The following CNTN5 variants were observed in gnomAD, a reference collection of about 807,000 sequenced individuals.
The protein encoded by CNTN5 is contactin-5.
A neutral mutation model predicts 129.1 loss-of-function variants in CNTN5; 77 were observed. The observed-to-expected ratio is 0.60, with a 90% CI of 0.50 to 0.72. The LOEUF (loss-of-function observed/expected upper bound fraction) is 0.72. Among genes scored for constraint, CNTN5 ranks in the 30% least tolerant of loss-of-function variants. The pLI, the probability that CNTN5 is intolerant of heterozygous loss-of-function variation, is 0.00. For synonymous variants in CNTN5, 509 were observed against 465.6 expected (o/e 1.09, Z -1.20); for missense variants, 1,478 against 1,328.8 (o/e 1.11, Z -1.75).
intron 2 of CNTN5, among the ~76,000 whole-genome samples, chr11:99,382,518 T>C (rs1471839776): frequency 6.6e-6 from 1 of 152,194 alleles, no homozygotes; most frequent in Non-Finnish European, 1.5e-5. Context: ...TAGTTCCTAT[T>C]TTCTTTCTTG....
chr11:99,467,536 A>G (rs1353879793), intron 2 of CNTN5, among the ~76,000 whole-genome samples: 2 of 151,992 alleles, frequency 1.3e-5, no homozygotes, highest in Non-Finnish European at 2.9e-5. Flanking sequence ...TGCTCGGTTA[A>G]CTCATCCTTC....
At chr11:99,215,556 A>G (rs527921673) in intron 1 of CNTN5, among the ~76,000 whole-genome samples, 1 of 152,240 alleles carries the variant, frequency 6.6e-6, no homozygotes, top group Non-Finnish European at 1.5e-5. Flanking sequence ...TTGAGATGAG[A>G]AAGATTCTGG....
intron 2 of CNTN5, among the ~76,000 whole-genome samples, chr11:99,433,121 C>A (rs577839570): frequency 6.6e-6 from 1 of 151,616 alleles, no homozygotes; most frequent in African/African-American, 2.4e-5. Flanking sequence ...GCCTGAGGAA[C>A]AAAGAGGACA....
rs567052027 is a variant in CNTN5, at chr11:99,133,081, G to A, written c.-210+111811G>A. On this transcript the variant is annotated intron_variant, in intron 1 of 24. Coordinates refer to ENST00000524871, the MANE Select transcript of CNTN5 (RefSeq NM_014361.4). ...ACACATAGACCAGTAGAATGGAATCGAGAACCCAGAAATAAGGCCACACAC... is the reference window on the plus strand; with the variant it reads ...ACACATAGACCAGTAGAATGGAATCAAGAACCCAGAAATAAGGCCACACAC... Among the ~76,000 whole-genome samples the A allele has an allele frequency of 5.3e-5, 8 of 152,144 alleles. No homozygotes were observed. The East Asian group carries it at 1.4e-3, about 26-fold the overall frequency.
intron 3 of CNTN5, among the ~76,000 whole-genome samples, chr11:99,756,797 G>A (rs1203031468): frequency 6.6e-6 from 1 of 151,742 alleles, no homozygotes; most frequent in Non-Finnish European, 1.5e-5. Flanking sequence ...AAAAGAATGA[G>A]TTATTTTAAA....
chr11:99,205,189 A>G (rs12363208), intron 1 of CNTN5, among the ~76,000 whole-genome samples: 20,152 of 152,140 alleles, frequency 0.13, 1,471 homozygotes, highest in Middle Eastern at 0.24. Context: ...AAAAAACTCC[A>G]AGAAACCACT....
chr11:99,845,126 T>C lies in CNTN5; in HGVS notation c.441T>C (p.Asp147=). ...GAACAGAAATAGATCTGGAAAGTGA[T>C]TATCGCTACAGTTTGATAGATGGCA... The part of the protein sequence containing the change: ...RNGTEIDLES[D]YRYSLIDGTF... Residue 147 remains aspartate, a synonymous_variant, in exon 6 of 25, where the codon GAT becomes GAC. Transcript: ENST00000524871. The C allele has an allele frequency of 7.4e-6, 12 of 1,613,766 alleles. No homozygotes were observed. Among genetic ancestry groups the C allele is most frequent in the Non-Finnish European group, 1.0e-5 (12 of 1,179,796 alleles).
chr11:99,508,608 A>C (rs7925951), intron 2 of CNTN5, among the ~76,000 whole-genome samples: 3 of 152,008 alleles, frequency 2.0e-5, no homozygotes, highest in Non-Finnish European at 4.4e-5. Context: ...TAAAATTACA[A>C]TCTTTAAAAA....
chr11:99,160,024 G>A (rs942749112), intron 1 of CNTN5, among the ~76,000 whole-genome samples: 1 of 152,114 alleles, frequency 6.6e-6, no homozygotes, highest in African/African-American at 2.4e-5. Context: ...AACAAGAGTA[G>A]TCTCTGTGTT....
chr11:99,665,234 A>T (rs1952741156), intron 3 of CNTN5, among the ~76,000 whole-genome samples: 1 of 152,188 alleles, frequency 6.6e-6, no homozygotes. Flanking sequence ...TTCTAGCAAA[A>T]GAAATATGTG....
At chr11:99,422,361 TA>T (rs1225513173) in intron 2 of CNTN5, among the ~76,000 whole-genome samples, 3 of 151,676 alleles carry the variant, frequency 2.0e-5, no homozygotes, top group African/African-American at 7.3e-5. Context: ...CTCTCTAATT[TA>T]GTCTCCAAAT....
intron 3 of CNTN5, among the ~76,000 whole-genome samples, chr11:99,796,100 G>A (rs773964586): frequency 3.9e-5 from 6 of 152,144 alleles, no homozygotes; most frequent in Non-Finnish European, 7.4e-5. Context: ...AGGGCCACTG[G>A]CATCTGTGCA....
At chr11:99,138,534 C>G (rs1459861778) in intron 1 of CNTN5, among the ~76,000 whole-genome samples, 1 of 152,116 alleles carries the variant, frequency 6.6e-6, no homozygotes, top group African/African-American at 2.4e-5. Flanking sequence ...TGTTGCGATG[C>G]ATTATAGGAT....
intron 15 of CNTN5, among the ~76,000 whole-genome samples, chr11:100,209,468 G>A (rs1329670459): frequency 1.3e-5 from 2 of 152,042 alleles, no homozygotes; most frequent in African/African-American, 4.8e-5. Flanking sequence ...CATTTTACAT[G>A]GTTAACATTC....
chr11:99,668,954 A>C (rs760065678), intron 3 of CNTN5, among the ~76,000 whole-genome samples: 3 of 152,112 alleles, frequency 2.0e-5, no homozygotes, highest in Non-Finnish European at 4.4e-5. Flanking sequence ...AAAATGCTCC[A>C]ACTGGGGGGA....
At chr11:99,876,454 A>T (rs868387084) in intron 6 of CNTN5, among the ~76,000 whole-genome samples, 2 of 152,232 alleles carry the variant, frequency 1.3e-5, no homozygotes, top group Middle Eastern at 3.4e-3. Flanking sequence ...CAGGCAATGC[A>T]TGAGCCCTAT....
At chr11:99,037,685 A>T (rs115301278) in intron 1 of CNTN5, among the ~76,000 whole-genome samples, 7 of 148,868 alleles carry the variant, frequency 4.7e-5, no homozygotes, top group African/African-American at 7.4e-5. Context: ...GGTTCAAGCA[A>T]TTCTCTGCCT....
At chr11:99,233,058 C>A (rs1320072156) in intron 1 of CNTN5, among the ~76,000 whole-genome samples, 2 of 152,196 alleles carry the variant, frequency 1.3e-5, no homozygotes, top group African/African-American at 2.4e-5. Context: ...GAAGAATCAT[C>A]TTCAAGTCAA....
intron 2 of CNTN5, among the ~76,000 whole-genome samples, chr11:99,443,247 A>T (rs1038005624): frequency 1.2e-4 from 19 of 152,186 alleles, no homozygotes; most frequent in Admixed American, 5.9e-4. Flanking sequence ...ATTTTCTTTG[A>T]TCCTAAAACA....
Sources: allele counts gnomAD v4.1 joint callset (sites outside exome capture counted in the v4.1 genomes callset), GRCh38; gene constraint gnomAD v4.1.1; transcripts MANE v1.5; gene names NCBI Gene and HGNC (gene_info 2026-07-23, HGNC 2026-07-21).